The following TBC1D23 variants were observed in gnomAD, a reference collection of about 807,000 sequenced individuals.
TBC1D23 encodes HCV non-structural protein 4A-transactivated protein 1.
Under a neutral mutation model 91.4 loss-of-function variants are expected in TBC1D23, and 55 were observed. The ratio of observed to expected loss-of-function variants is 0.60; its 90% confidence interval spans 0.48 to 0.75. The LOEUF is 0.75. TBC1D23 is among the 30% of genes least tolerant of loss of function. The pLI is 0.00. For missense variants in TBC1D23, 725 were observed against 836.1 expected, an observed-to-expected ratio of 0.87 and a Z score of 1.64; for synonymous variants, 289 against 281.0, an observed-to-expected ratio of 1.03 and a Z score of -0.28.
intron 1 of TBC1D23, among the ~76,000 whole-genome samples, chr3:100,273,836 C>T (rs62281675): frequency 0.32 from 49,160 of 151,992 alleles, 8,982 homozygotes; most frequent in Non-Finnish European, 0.41. Context: ...AAACTGGATC[C>T]CTTCTTTACA....
chr3:100,278,991 G>A (rs1192009337), intron 1 of TBC1D23, among the ~76,000 whole-genome samples: 1 of 152,086 alleles, frequency 6.6e-6, no homozygotes, highest in Non-Finnish European at 1.5e-5. Context: ...GCAGTGTTTT[G>A]AATTCTTGGC....
chr3:100,261,189 A>G (rs915076135), intron 1 of TBC1D23, 118 bp downstream of exon 1: 15 of 983,294 alleles, frequency 1.5e-5, no homozygotes, highest in Non-Finnish European at 2.2e-5. Context: ...TCCTAGGCGA[A>G]GTCCGGTGCC....
chr3:100,264,368 A>G (rs1300842805), intron 1 of TBC1D23, among the ~76,000 whole-genome samples: 3 of 147,846 alleles, frequency 2.0e-5, no homozygotes, highest in South Asian at 4.2e-4. Flanking sequence ...ACTCTGTCAG[A>G]TGGAATTTTT....
intron 11 of TBC1D23, among the ~76,000 whole-genome samples, chr3:100,304,024 A>T (rs553173770): frequency 3.3e-4 from 50 of 152,336 alleles, no homozygotes; most frequent in Middle Eastern, 6.8e-3. Flanking sequence ...AAAAAATTTA[A>T]CTAGTGTTCA....
chr3:100,268,283 A>G (rs1426301493), intron 1 of TBC1D23, among the ~76,000 whole-genome samples: 1 of 152,052 alleles, frequency 6.6e-6, no homozygotes, highest in Non-Finnish European at 1.5e-5. Flanking sequence ...TATATGTGCA[A>G]TTTGAATACT....
intron 14 of TBC1D23, among the ~76,000 whole-genome samples, chr3:100,311,186 G>C (rs403049): frequency 6.6e-6 from 1 of 152,116 alleles, no homozygotes. Flanking sequence ...TTGCAACACA[G>C]AATTTGTTTT....
chr3:100,288,426 G>A (rs2067762527), intron 4 of TBC1D23, among the ~76,000 whole-genome samples: 1 of 152,084 alleles, frequency 6.6e-6, no homozygotes, highest in African/African-American at 2.4e-5. Flanking sequence ...AATGACTTAA[G>A]GTCCAGTTTC....
rs948796048 is a variant in TBC1D23 at position 100,311,863 on chromosome 3, A to G, written c.1584A>G (p.Arg528=). The G allele has an allele frequency of 3.9e-6, 6 of 1,535,300 alleles. No individual in the cohort carries two copies. Among genetic ancestry groups the G allele is most frequent in the Non-Finnish European group, 4.4e-6 (5 of 1,145,796 alleles). The change falls in exon 15 of 19, where the codon AGA becomes AGG. Residue 528 remains arginine, a synonymous_variant. Transcript: ENST00000394144. ...RMSFNLPWPD[R]SCTERHVSSS... ...CTTTCAATCTTCCTTGGCCAGACAG[A>G]TCATGTACAGAGCGGTAAGCCAATG...
intron 9 of TBC1D23, among the ~76,000 whole-genome samples, chr3:100,298,949 A>T (rs1274086455): frequency 1.3e-5 from 2 of 152,188 alleles, no homozygotes; most frequent in Non-Finnish European, 2.9e-5. Flanking sequence ...TAGTTTTATA[A>T]TTAATTATAA....
chr3:100,321,945 G>A (rs549139388), intron 18 of TBC1D23, among the ~76,000 whole-genome samples: 2 of 151,082 alleles, frequency 1.3e-5, no homozygotes, highest in East Asian at 3.9e-4. Flanking sequence ...ACACATTGAT[G>A]TGTATCTTCT....
At chr3:100,318,886 C>T (rs1705801724) in intron 16 of TBC1D23, among the ~76,000 whole-genome samples, 183 bp from the exon 17 acceptor site, 1 of 152,222 alleles carries the variant, frequency 6.6e-6, no homozygotes, top group African/African-American at 2.4e-5. Context: ...CTCCTGCCCT[C>T]AGGTGATCTG....
intron 14 of TBC1D23, among the ~76,000 whole-genome samples, chr3:100,311,517 C>G (rs971409375): frequency 2.0e-5 from 3 of 152,058 alleles, no homozygotes. Context: ...AAAAGCTAAC[C>G]CTTTTACCTT....
chr3:100,307,873 A>G (rs901538657), intron 13 of TBC1D23, among the ~76,000 whole-genome samples: 1 of 152,198 alleles, frequency 6.6e-6, no homozygotes, highest in Non-Finnish European at 1.5e-5. Flanking sequence ...TGCATATGCC[A>G]TGATTATTTT....
At chr3:100,264,395 T>G (rs1333591258) in intron 1 of TBC1D23, among the ~76,000 whole-genome samples, 4 of 151,990 alleles carry the variant, frequency 2.6e-5, no homozygotes, top group African/African-American at 9.7e-5. Flanking sequence ...ATGTATCATA[T>G]ATCTTACTGC....
intron 1 of TBC1D23, chr3:100,261,410 T>C: frequency 2.8e-6 from 1 of 358,594 alleles, no homozygotes; most frequent in South Asian, 4.2e-5. Flanking sequence ...TGGAGTAGGC[T>C]GAAGAAGGAA....
At chr3:100,280,730 C>T (rs148496152) in intron 2 of TBC1D23, among the ~76,000 whole-genome samples, 1 of 152,314 alleles carries the variant, frequency 6.6e-6, no homozygotes, top group African/African-American at 2.4e-5. Context: ...GTGCCCATAA[C>T]CCAGCTTTAA....
chr3:100,305,872 G>A (rs1159467785), intron 12 of TBC1D23, among the ~76,000 whole-genome samples: 1 of 152,124 alleles, frequency 6.6e-6, no homozygotes, highest in Non-Finnish European at 1.5e-5. Flanking sequence ...TCCTGGTAAC[G>A]ATATAAAACT....
intron 13 of TBC1D23, among the ~76,000 whole-genome samples, chr3:100,308,419 G>A (rs1285589295): frequency 1.3e-5 from 2 of 151,320 alleles, no homozygotes; most frequent in African/African-American, 2.4e-5. Flanking sequence ...AGCTTGCAGT[G>A]AGCCCACATC....
intron 4 of TBC1D23, among the ~76,000 whole-genome samples, chr3:100,289,438 A>G (rs1473284755): frequency 6.6e-6 from 1 of 152,134 alleles, no homozygotes; most frequent in Non-Finnish European, 1.5e-5. Context: ...TGTATGTGGG[A>G]GTTAGAAGAT....
Sources: allele counts gnomAD v4.1 joint callset (sites outside exome capture counted in the v4.1 genomes callset), GRCh38; gene constraint gnomAD v4.1.1; transcripts MANE v1.5; gene names NCBI Gene and HGNC (gene_info 2026-07-23, HGNC 2026-07-21).